Variants in CACNG5 observed in about 807,000 individuals in gnomAD.
The protein encoded by CACNG5 is voltage-dependent calcium channel gamma-5 subunit.
A neutral mutation model predicts 24.8 loss-of-function variants in CACNG5; 18 were observed. The ratio of observed to expected loss-of-function variants is 0.73; its 90% CI spans 0.50 to 1.08. The LOEUF (loss-of-function observed/expected upper bound fraction) is 1.08. Ranked by LOEUF, CACNG5 falls within the 50% of genes least tolerant of loss-of-function variation. The pLI is 0.00. For missense variants in CACNG5, 349 were observed against 367.9 expected (o/e 0.95, Z 0.42); for synonymous variants, 157 against 149.1 (o/e 1.05, Z -0.39).
rs897392324 is a variant in CACNG5, at chr17:66,893,250, G to C, written c.*8010G>C. Among the ~76,000 whole-genome samples the C allele has an allele frequency of 6.6e-6, 1 of 152,122 alleles. No individual in the cohort carries two copies. The highest frequency in any genetic ancestry group is 1.5e-5 in the Non-Finnish European group (1 of 68,016). On this transcript the variant is annotated 3_prime_UTR_variant, in exon 6 of 6. Transcript: ENST00000533854. ...GTAAATGTACCCTCTTCTATAATCA[G>C]AGAAATAATCCAGGTTCCCATCCAA...
intron 1 of CACNG5, among the ~76,000 whole-genome samples, chr17:66,845,996 A>C (rs569273512): frequency 1.5e-4 from 23 of 152,278 alleles, no homozygotes; most frequent in Non-Finnish European, 2.2e-4. Flanking sequence ...GGGCGTGGCC[A>C]ACAGAGGCAT....
intron 5 of CACNG5, 122 bp downstream of exon 5, chr17:66,884,783 T>C (rs776101959): frequency 6.2e-7 from 1 of 1,613,322 alleles, no homozygotes; most frequent in African/African-American, 1.3e-5. Flanking sequence ...GACCACCCAC[T>C]CTACTTCCCT....
chr17:66,891,652 C>T lies in CACNG5; in HGVS notation c.*6412C>T, dbSNP rs571813085. Among the ~76,000 whole-genome samples the T allele has an allele frequency of 3.3e-5, 5 of 152,294 alleles. No individual in the cohort carries two copies. Among genetic ancestry groups the T allele is most frequent in the African/African-American group, 1.2e-4 (5 of 41,566 alleles). On this transcript the variant is annotated 3_prime_UTR_variant, in exon 6 of 6. Coordinates refer to ENST00000533854, the MANE Select transcript of CACNG5 (RefSeq NM_145811.3). ...AGCAGCCTTTGAAGTTACCTGATGT[C>T]ATTTCCATCATAATCCCCAGACAAC...
intron 1 of CACNG5, among the ~76,000 whole-genome samples, chr17:66,838,181 A>T (rs1976509380): frequency 6.6e-6 from 1 of 151,862 alleles, no homozygotes; most frequent in African/African-American, 2.4e-5. Flanking sequence ...GCAAAATGAC[A>T]GAGTATACCC....
At chr17:66,848,152 C>G (rs1488182383) in intron 1 of CACNG5, among the ~76,000 whole-genome samples, 1 of 152,198 alleles carries the variant, frequency 6.6e-6, no homozygotes, top group Non-Finnish European at 1.5e-5. Context: ...GGGTCTTGAT[C>G]TTTTTTCTGA....
At position 66,886,006 on chromosome 17, in the gene CACNG5, C is replaced by T. The variant is rs954651886; in HGVS notation, c.*766C>T. ...TATGGCCCTTTGATAACATATTTTA[C>T]AGGAGCCTTTTATGCCTTAACCCAA... is the stretch of plus-strand genomic sequence containing the variant. On this transcript the variant is annotated 3_prime_UTR_variant, in exon 6 of 6. Coordinates refer to ENST00000533854, the MANE Select transcript of CACNG5 (RefSeq NM_145811.3). 6.6e-6 allele frequency among the ~76,000 whole-genome samples: 1 copy of T among 152,238 alleles called. No homozygotes were observed. Among genetic ancestry groups the T allele is most frequent in the African/African-American group, 2.4e-5 (1 of 41,468 alleles).
At position 66,879,070 on chromosome 17, in the gene CACNG5, G is replaced by A; in HGVS notation, c.283+12G>A. The A allele has an allele frequency of 5.0e-6, 8 of 1,609,522 alleles. No individual in the cohort carries two copies. Among genetic ancestry groups the A allele is most frequent in the Non-Finnish European group, 6.8e-6 (8 of 1,175,984 alleles). On this transcript the variant is annotated intron_variant, in intron 3 of 5. Coordinates refer to ENST00000533854, the MANE Select transcript of CACNG5 (RefSeq NM_145811.3). ...GGTCAATGTTCTAAGTAAGTGCCTT[G>A]AGTCTGGCAACCTGGGCCACTGGCT...
At chr17:66,860,222 G>A (rs1310394391) in intron 1 of CACNG5, among the ~76,000 whole-genome samples, 1 of 152,132 alleles carries the variant, frequency 6.6e-6, no homozygotes, top group Non-Finnish European at 1.5e-5. Context: ...TCAAATCCCA[G>A]CTCCCCCAGT....
rs2143148243 is a variant in CACNG5, at chr17:66,891,823, G to A, written c.*6583G>A. Among the ~76,000 whole-genome samples, 1 of 152,312 alleles carries A rather than the reference G, an allele frequency of 6.6e-6. No homozygotes were observed. ...GATCTGCTGTACCATGACTGGCTTT[G>A]ACTAGTAAGTTATTCTCCCAGCCTG... On this transcript the variant is annotated 3_prime_UTR_variant, in exon 6 of 6. Coordinates refer to ENST00000533854, the MANE Select transcript of CACNG5 (RefSeq NM_145811.3).
intron 1 of CACNG5, among the ~76,000 whole-genome samples, chr17:66,839,382 C>T (rs898901047): frequency 6.6e-6 from 1 of 152,058 alleles, no homozygotes; most frequent in Non-Finnish European, 1.5e-5. Context: ...AAAAATCAAT[C>T]CTGTTTCTTA....
At chr17:66,862,200 A>G (rs751537936) in intron 1 of CACNG5, among the ~76,000 whole-genome samples, 3 of 152,034 alleles carry the variant, frequency 2.0e-5, no homozygotes, top group African/African-American at 4.8e-5. Context: ...TTGCTCAAGA[A>G]CTCATCTCTA....
chr17:66,858,557 G>C (rs180977110), intron 1 of CACNG5, among the ~76,000 whole-genome samples: 27 of 152,264 alleles, frequency 1.8e-4, no homozygotes, highest in African/African-American at 6.5e-4. Context: ...AAGCAGGAGG[G>C]GTGGCATGAG....
In CACNG5 at chr17:66,888,598, G is replaced by A. The variant is rs1977297569; in HGVS notation, c.*3358G>A. ...AAGAAAGAGGAAAGAACCATGAAAAGTGGCTCAATAGTCAAAGACAGGTTT... is the reference window on the plus strand; with the variant it reads ...AAGAAAGAGGAAAGAACCATGAAAAATGGCTCAATAGTCAAAGACAGGTTT... On this transcript the variant is annotated 3_prime_UTR_variant, in exon 6 of 6. Transcript: ENST00000533854. Among the ~76,000 whole-genome samples the A allele has an allele frequency of 6.7e-6, 1 of 148,322 alleles. No individual in the cohort carries two copies. The highest frequency in any genetic ancestry group is 1.5e-5 in the Non-Finnish European group (1 of 66,924).
intron 1 of CACNG5, among the ~76,000 whole-genome samples, chr17:66,836,985 T>C (rs947596409): frequency 2.6e-5 from 4 of 152,226 alleles, no homozygotes; most frequent in African/African-American, 9.6e-5. Context: ...TAGGTTGTTG[T>C]GGAAAACGTC....
intron 1 of CACNG5, among the ~76,000 whole-genome samples, chr17:66,840,452 C>G (rs1189864081): frequency 1.3e-5 from 2 of 152,116 alleles, no homozygotes; most frequent in Non-Finnish European, 1.5e-5. Flanking sequence ...GGAAGCTAAG[C>G]CTGAACCCAA....
At chr17:66,859,037 C>T (rs1229444072) in intron 1 of CACNG5, among the ~76,000 whole-genome samples, 3 of 152,160 alleles carry the variant, frequency 2.0e-5, no homozygotes, top group African/African-American at 2.4e-5. Context: ...CTTCCTCACT[C>T]GTAGGGACAT....
chr17:66,879,721 G>C lies in CACNG5; in HGVS notation c.283+663G>C, dbSNP rs1190066447. Among the ~76,000 whole-genome samples the C allele has an allele frequency of 2.6e-5, 4 of 152,192 alleles. No individual in the cohort carries two copies. The East Asian group carries it at 7.7e-4, about 29-fold the overall frequency. Reference sequence around the variant, plus strand: ...ACTCTTCTCTCCATGGAATCAGGTTGTGTCACCATCTTCACACACTGATGT... The same window carrying C: ...ACTCTTCTCTCCATGGAATCAGGTTCTGTCACCATCTTCACACACTGATGT... On this transcript the variant is annotated intron_variant, in intron 3 of 5. Transcript: ENST00000533854.
intron 4 of CACNG5, among the ~76,000 whole-genome samples, chr17:66,881,234 A>G (rs1977154629): frequency 6.6e-6 from 1 of 152,234 alleles, no homozygotes; most frequent in Admixed American, 6.5e-5. Context: ...CTCCCCTCTG[A>G]CAAATCTGGG....
rs1977365078 is a variant in CACNG5 at position 66,892,975 on chromosome 17, A to G, written c.*7735A>G. On this transcript the variant is annotated 3_prime_UTR_variant, in exon 6 of 6. Transcript: ENST00000533854. ...ACTTCAGCTTCAACCCCAGCAGGTC[A>G]TCACCAACATCATGACCACCAACAT... 6.6e-6 allele frequency among the ~76,000 whole-genome samples: 1 copy of G among 152,228 alleles called. No homozygotes were observed. The highest frequency in any genetic ancestry group is 1.5e-5 in the Non-Finnish European group (1 of 68,038).
Sources: allele counts gnomAD v4.1 joint callset (sites outside exome capture counted in the v4.1 genomes callset), GRCh38; gene constraint gnomAD v4.1.1; transcripts MANE v1.5; gene names NCBI Gene and HGNC (gene_info 2026-07-23, HGNC 2026-07-21).